TSHR: variants seen among roughly 807,000 people sequenced by gnomAD.
TSHR encodes thyrotropin receptor.
Under a neutral mutation model 64.1 loss-of-function variants are expected in TSHR, and 51 were observed. The ratio of observed to expected loss-of-function variants is 0.80; its 90% CI spans 0.64 to 1.01. The LOEUF is 1.01. TSHR is among the 50% of genes least tolerant of loss of function. The probability of loss-of-function intolerance (pLI) is 0.00; values close to 1 mark genes in which losing one functional copy is unlikely to be tolerated. For missense variants in TSHR, 877 were observed against 942.8 expected (o/e 0.93, Z 0.91); for synonymous variants, 361 against 361.9 (o/e 1.00, Z 0.03).
intron 3 of TSHR, among the ~76,000 whole-genome samples, chr14:81,069,729 G>A (rs555436494): frequency 1.1e-4 from 16 of 152,236 alleles, no homozygotes; most frequent in African/African-American, 3.6e-4. Flanking sequence ...GGAAAACTGT[G>A]ACTAGATCAG....
chr14:80,959,857 T>C (rs1382622949), intron 1 of TSHR, among the ~76,000 whole-genome samples: 1 of 152,248 alleles, frequency 6.6e-6, no homozygotes, highest in Non-Finnish European at 1.5e-5. Flanking sequence ...GTTCCATCTG[T>C]GCTGTTATTT....
At chr14:81,012,823 T>C (rs1330260803) in intron 1 of TSHR, 3 of 151,996 alleles carry the variant, frequency 2.0e-5, no homozygotes, top group Non-Finnish European at 4.4e-5. Context: ...TTGAGTTCAT[T>C]GTAGATTCTG....
At chr14:81,138,157 G>T (rs982848222) in intron 8 of TSHR, among the ~76,000 whole-genome samples, 1 of 151,870 alleles carries the variant, frequency 6.6e-6, no homozygotes, top group African/African-American at 2.4e-5. Context: ...AAATCACCTG[G>T]GAATAATACA....
chr14:81,129,489 G>A (rs1891150261), intron 8 of TSHR, among the ~76,000 whole-genome samples: 1 of 152,186 alleles, frequency 6.6e-6, no homozygotes, highest in Non-Finnish European at 1.5e-5. Context: ...TTTTGCAGCT[G>A]AACATAGCAA....
rs538572108 is a variant in TSHR, at chr14:81,068,287, G to A, written c.276G>A (p.Leu92=). The A allele has an allele frequency of 4.0e-5, 64 of 1,613,024 alleles. No homozygotes were observed. The highest frequency in any genetic ancestry group is 5.4e-5 in the Non-Finnish European group (64 of 1,179,440). The change falls in exon 3 of 10, where the codon CTG becomes CTA. Residue 92 remains leucine, a synonymous_variant. Coordinates refer to ENST00000298171, the MANE Select transcript of TSHR (RefSeq NM_000369.5). ...YVSIDVTLQQ[L]ESHSFYNLSK... is the part of the protein sequence containing the mutation. ...CTATAGATGTGACTCTGCAGCAGCT[G>A]GAATCACACTCCTTCTACAATTTGA... is the stretch of plus-strand genomic sequence containing the variant.
At chr14:80,967,592 G>C (rs1231877707) in intron 1 of TSHR, among the ~76,000 whole-genome samples, 1 of 152,078 alleles carries the variant, frequency 6.6e-6, no homozygotes, top group African/African-American at 2.4e-5. Flanking sequence ...GCCCTGACCT[G>C]ACTTACATTT....
chr14:81,101,634 A>C (rs60320898), intron 7 of TSHR, among the ~76,000 whole-genome samples: 17,313 of 152,134 alleles, frequency 0.11, 2,728 homozygotes, highest in African/African-American at 0.36. Context: ...CCTATTCCAG[A>C]AGCTCAGGGC....
intron 8 of TSHR, among the ~76,000 whole-genome samples, chr14:81,115,646 C>T (rs1890466233): frequency 6.6e-6 from 1 of 151,974 alleles, no homozygotes; most frequent in African/African-American, 2.4e-5. Context: ...TATAGCAAGG[C>T]AGGCCAACGT....
intron 1 of TSHR, among the ~76,000 whole-genome samples, chr14:81,020,369 A>G (rs112233473): frequency 0.017 from 2,530 of 152,268 alleles, 37 homozygotes; most frequent in African/African-American, 0.031. Context: ...GTGAGTGAGC[A>G]AAGCTTCATC....
chr14:81,035,554 C>A (rs1235763602), intron 1 of TSHR, among the ~76,000 whole-genome samples: 1 of 152,176 alleles, frequency 6.6e-6, no homozygotes, highest in Non-Finnish European at 1.5e-5. Context: ...AAGGATAGAA[C>A]TTCCCCTCTG....
intron 1 of TSHR, among the ~76,000 whole-genome samples, chr14:80,972,100 T>C (rs1378116501): frequency 6.6e-6 from 1 of 152,234 alleles, no homozygotes; most frequent in Non-Finnish European, 1.5e-5. Context: ...AAATGAAGTA[T>C]AAGCTATAAT....
Position 81,062,331 on chromosome 14 carries a change from T to C in TSHR, c.242+112T>C, listed in dbSNP as rs1041839847. On this transcript the variant is annotated intron_variant, in intron 2 of 9. Transcript: ENST00000298171. Reference sequence around the variant, plus strand: ...TACTTGCATAAATCAATGGCAGTTATATTGTCAATGTATATGACAATTTTA... The same window carrying C: ...TACTTGCATAAATCAATGGCAGTTACATTGTCAATGTATATGACAATTTTA... The C allele has an allele frequency of 1.1e-5, 8 of 742,870 alleles. No homozygotes were observed. In the African/African-American group the frequency reaches 1.2e-4, roughly 11 times the overall value. 46.0% of individuals were successfully genotyped at this position (742,870 alleles called of 1,614,324 possible).
intron 3 of TSHR, among the ~76,000 whole-genome samples, chr14:81,079,516 C>T (rs1450887371): frequency 6.6e-6 from 1 of 152,178 alleles, no homozygotes; most frequent in Non-Finnish European, 1.5e-5. Flanking sequence ...AAAACCACTG[C>T]AATGCCATAA....
chr14:81,014,268 G>A (rs973364003), intron 1 of TSHR: 1 of 152,168 alleles, frequency 6.6e-6, no homozygotes, highest in African/African-American at 2.4e-5. Context: ...TCAGAAACGA[G>A]AAACCAGATG....
In TSHR at chr14:81,088,273, A is replaced by G. The variant is rs2075173; in HGVS notation, c.392+245A>G. Among the ~76,000 whole-genome samples the G allele has an allele frequency of 0.092, 14,049 of 152,294 alleles. 830 individuals carry two copies. The highest frequency in any genetic ancestry group is 0.19 in the East Asian group (960 of 5,178). ...CAGGAGGGAGAAAATGCTATCATGT[A>G]TATGTGGTCCTTAAATGTAGTATTT... On this transcript the variant is annotated intron_variant, in intron 4 of 9. Coordinates refer to ENST00000298171, the MANE Select transcript of TSHR (RefSeq NM_000369.5).
rs774973166 is a variant in TSHR, at chr14:81,091,050, C to G, written c.393-19C>G. The G allele has an allele frequency of 3.7e-6, 6 of 1,601,958 alleles. No individual in the cohort carries two copies. Among genetic ancestry groups the G allele is most frequent in the Non-Finnish European group, 4.3e-6 (5 of 1,173,622 alleles). On this transcript the variant is annotated intron_variant, in intron 4 of 9. Coordinates refer to ENST00000298171, the MANE Select transcript of TSHR (RefSeq NM_000369.5). ...ACCTAAATTCTATGCTTTTTTTTCT[C>G]TTTTTTTCATTAATTTAGTGGCATT...
At chr14:81,128,273 A>T (rs1022317317) in intron 8 of TSHR, among the ~76,000 whole-genome samples, 2 of 152,208 alleles carry the variant, frequency 1.3e-5, no homozygotes, top group Non-Finnish European at 2.9e-5. Context: ...CTAACTATTC[A>T]ATAGAAAGTA....
chr14:81,132,304 G>T (rs984976052), intron 8 of TSHR, among the ~76,000 whole-genome samples: 2 of 152,134 alleles, frequency 1.3e-5, no homozygotes, highest in Admixed American at 6.5e-5. Flanking sequence ...GCCAATTAGT[G>T]CTTCTTTAAT....
At position 80,975,399 on chromosome 14, in the gene TSHR, C is replaced by T. The variant is rs1025344785; in HGVS notation, c.170+19549C>T. Among the ~76,000 whole-genome samples, 14 of 152,008 alleles carry T rather than the reference C, an allele frequency of 9.2e-5. No homozygotes were observed. In the South Asian group the frequency reaches 2.9e-3, roughly 32 times the overall value. On this transcript the variant is annotated intron_variant, in intron 1 of 9. Transcript: ENST00000298171. ...TTCCTCACCCTATTTTGACTTTTTCCTCCCTCTCCTACTCTCTCAGATGCT... is the reference window on the plus strand; with the variant it reads ...TTCCTCACCCTATTTTGACTTTTTCTTCCCTCTCCTACTCTCTCAGATGCT...
Sources: allele counts gnomAD v4.1 joint callset (sites outside exome capture counted in the v4.1 genomes callset), GRCh38; gene constraint gnomAD v4.1.1; transcripts MANE v1.5; gene names NCBI Gene and HGNC (gene_info 2026-07-23, HGNC 2026-07-21).